Variants in DIP2C observed in about 807,000 individuals in gnomAD.
DIP2C encodes disco-interacting protein 2 homolog C.
DIP2C carries 33 observed loss-of-function variants against 192.4 expected under a neutral mutation model. The ratio of observed to expected loss-of-function variants is 0.17; its 90% CI spans 0.13 to 0.23. The LOEUF (loss-of-function observed/expected upper bound fraction) is 0.23. Among genes scored for constraint, DIP2C ranks in the 10% least tolerant of loss-of-function variants. The pLI is 1.00. For missense variants in DIP2C, 1,537 were observed against 2,110.1 expected (o/e 0.73, Z 5.32); for synonymous variants, 979 against 864.1 (o/e 1.13, Z -2.33).
intron 10 of DIP2C, among the ~76,000 whole-genome samples, chr10:398,710 T>C (rs1964182074): frequency 6.6e-6 from 1 of 152,240 alleles, no homozygotes; most frequent in African/African-American, 2.4e-5. Context: ...ATTTTCATTA[T>C]AGAATAAAAC....
chr10:404,210 ATTTT>A lies in DIP2C; in HGVS notation c.1149+4712_1149+4715del, dbSNP rs200567522. ...TCATTTTTGCATTACTTCATTCTGG[ATTTT>A]TTTTTTTTTTTTGAGACAGAGTCTT... On this transcript the variant is annotated intron_variant, in intron 9 of 36. Coordinates refer to ENST00000280886, the MANE Select transcript of DIP2C (RefSeq NM_014974.3). 3.3e-3 allele frequency among the ~76,000 whole-genome samples: 489 copies of A among 146,480 alleles called. 1 individual carries two copies. Among genetic ancestry groups the A allele is most frequent in the Middle Eastern group, 0.032 (9 of 284 alleles).
chr10:642,119 T>C (rs750895674), intron 1 of DIP2C, among the ~76,000 whole-genome samples: 5 of 152,208 alleles, frequency 3.3e-5, no homozygotes, highest in Non-Finnish European at 4.4e-5. Flanking sequence ...TGAAGGAAAT[T>C]ATTTTCCTTC....
rs116680578 is a variant in DIP2C at position 557,121 on chromosome 10, G to A, written c.86-70591C>T. Among the ~76,000 whole-genome samples the A allele has an allele frequency of 8.3e-3, 1,264 of 152,316 alleles. 20 individuals are homozygous for A. The highest frequency in any genetic ancestry group is 0.028 in the African/African-American group (1,156 of 41,586). ...GAGACCGGCCACCTTGACACTGGGC[G>A]TAAGACCAGCACTCCTATGTCTCTG... On this transcript the variant is annotated intron_variant, in intron 1 of 36. Transcript: ENST00000280886.
At chr10:470,676 G>GGA (rs143880635) in intron 3 of DIP2C, among the ~76,000 whole-genome samples, 7 of 152,170 alleles carry the variant, frequency 4.6e-5, no homozygotes, top group African/African-American at 1.4e-4. Context: ...GCAGCATCGT[G>GGA]GAGAGAGAGA....
chr10:547,852 A>G (rs756363804), intron 1 of DIP2C, among the ~76,000 whole-genome samples: 1 of 151,992 alleles, frequency 6.6e-6, no homozygotes, highest in Non-Finnish European at 1.5e-5. Context: ...CCTCTCCTGC[A>G]TTTCATCCAT....
intron 3 of DIP2C, among the ~76,000 whole-genome samples, chr10:463,796 T>C (rs1040118355): frequency 1.3e-5 from 2 of 151,994 alleles, no homozygotes; most frequent in Non-Finnish European, 2.9e-5. Flanking sequence ...AAAATAGAGA[T>C]ATAGACCAAG....
rs150280665 is a variant in DIP2C at position 428,845 on chromosome 10, T to C, written c.395-5812A>G. On this transcript the variant is annotated intron_variant, in intron 4 of 36. Coordinates refer to ENST00000280886, the MANE Select transcript of DIP2C (RefSeq NM_014974.3). The stretch of plus-strand genomic sequence containing the variant: ...CTTCACTTTGGTTAATTTCTTTTCA[T>C]CCCTCTTCAAGCTCACAGACTTCAT... 5.9e-3 allele frequency among the ~76,000 whole-genome samples: 895 copies of C among 152,270 alleles called. 3 individuals are homozygous for C. Among genetic ancestry groups the C allele is most frequent in the East Asian group, 0.014 (70 of 5,182 alleles).
At chr10:449,920 C>CAACAAAAAAAAAAAAAAAAAA (rs1408389732) in intron 3 of DIP2C, among the ~76,000 whole-genome samples, 1 of 135,910 alleles carries the variant, frequency 7.4e-6, no homozygotes, top group African/African-American at 3.0e-5. Flanking sequence ...TCAACAACAA[C>CAACAAAAAAAAAAAAAAAAAA]AAAAAAAAAA....
chr10:637,553 T>G (rs1365835950), intron 1 of DIP2C, among the ~76,000 whole-genome samples: 1 of 152,196 alleles, frequency 6.6e-6, no homozygotes, highest in Non-Finnish European at 1.5e-5. Context: ...TAGTCCCTTT[T>G]ATGAGGGCAC....
intron 1 of DIP2C, chr10:668,698 T>C (rs1387840454): frequency 6.6e-6 from 1 of 152,186 alleles, no homozygotes; most frequent in Non-Finnish European, 1.5e-5. Flanking sequence ...ATTCTAAGTA[T>C]GAAATAGAAA....
intron 1 of DIP2C, among the ~76,000 whole-genome samples, chr10:512,922 G>GAGA (rs1554887229): frequency 3.3e-5 from 3 of 92,208 alleles, no homozygotes; most frequent in African/African-American, 8.7e-5. Flanking sequence ...CCCACTTCAG[G>GAGA]AAAAAAAAAA....
intron 29 of DIP2C, among the ~76,000 whole-genome samples, chr10:338,977 G>A (rs752493847): frequency 1.4e-4 from 21 of 151,152 alleles, no homozygotes; most frequent in African/African-American, 3.2e-4. Flanking sequence ...CACAGCCCAC[G>A]CCAGGACACC....
chr10:469,922 T>C (rs914519909), intron 3 of DIP2C, among the ~76,000 whole-genome samples: 2 of 152,208 alleles, frequency 1.3e-5, no homozygotes, highest in African/African-American at 2.4e-5. Context: ...TTTCAGGTGC[T>C]TGGCCTACAC....
chr10:578,276 T>C (rs1026222724), intron 1 of DIP2C, among the ~76,000 whole-genome samples: 2 of 152,216 alleles, frequency 1.3e-5, no homozygotes, highest in Non-Finnish European at 2.9e-5. Flanking sequence ...GGGATTTTGC[T>C]ACATCATGAA....
intron 17 of DIP2C, among the ~76,000 whole-genome samples, chr10:376,815 G>A (rs1961655676): frequency 6.6e-6 from 1 of 152,122 alleles, no homozygotes; most frequent in Non-Finnish European, 1.5e-5. Context: ...TTAAGCTTGT[G>A]AACTCATTTC....
chr10:408,911 T>A lies in DIP2C; in HGVS notation c.1149+15A>T, dbSNP rs1964997389. 10 of 1,613,396 alleles carry A rather than the reference T, an allele frequency of 6.2e-6. No individual in the cohort carries two copies. The highest frequency in any genetic ancestry group is 7.6e-6 in the Non-Finnish European group (9 of 1,179,630). On this transcript the variant is annotated intron_variant, in intron 9 of 36. Transcript: ENST00000280886. ...TCTTGTGTTTTGTAGATCCAGCAGT[T>A]TAAGTTGCACTTACCCTATCTCCAG...
Position 440,896 on chromosome 10 carries a change from G to T in DIP2C, c.369C>A (p.Thr123=). 1 of 1,613,576 alleles carries T rather than the reference G, an allele frequency of 6.2e-7. No homozygotes were observed. The highest frequency in any genetic ancestry group is 8.5e-7 in the Non-Finnish European group (1 of 1,180,022). Residue 123 remains threonine, a synonymous_variant, in exon 4 of 37, where the codon ACC becomes ACA. Transcript: ENST00000280886. ...PSKRRSLVVQ[T]SMDAYTPPDT... ...CTGGAGGGGTGTAGGCGTCCATCGA[G>T]GTCTGCACGACCAGGGACCTGCGTT... is the stretch of plus-strand genomic sequence containing the variant.
At chr10:341,630 C>T (rs1415019992) in intron 28 of DIP2C, among the ~76,000 whole-genome samples, 1 of 152,190 alleles carries the variant, frequency 6.6e-6, no homozygotes, top group Non-Finnish European at 1.5e-5. Context: ...CATGGGACTT[C>T]ATACCCAAGG....
At chr10:640,853 C>G (rs1855154912) in intron 1 of DIP2C, among the ~76,000 whole-genome samples, 1 of 152,146 alleles carries the variant, frequency 6.6e-6, no homozygotes, top group Admixed American at 6.5e-5. Context: ...ACAGTGGCAG[C>G]AGCAAGGGTG....
Sources: allele counts gnomAD v4.1 joint callset (sites outside exome capture counted in the v4.1 genomes callset), GRCh38; gene constraint gnomAD v4.1.1; transcripts MANE v1.5; gene names NCBI Gene and HGNC (gene_info 2026-07-23, HGNC 2026-07-21).